MYH13: variants seen among roughly 807,000 people sequenced by gnomAD.
MYH13 encodes the protein myosin-13.
Under a neutral mutation model 232.1 loss-of-function variants are expected in MYH13, and 177 were observed. The ratio of observed to expected loss-of-function variants is 0.76; its 90% confidence interval spans 0.67 to 0.86. MYH13 has a LOEUF of 0.86. Ranked by LOEUF, MYH13 falls within the 40% of genes least tolerant of loss-of-function variation. The pLI is 0.00. For missense variants in MYH13, 2,246 were observed against 2,405.9 expected (o/e 0.93, Z 1.39); for synonymous variants, 884 against 923.5 (o/e 0.96, Z 0.78).
intron 8 of MYH13, among the ~76,000 whole-genome samples, chr17:10,356,995 C>G (rs1474667261): frequency 6.6e-6 from 1 of 152,184 alleles, no homozygotes; most frequent in Non-Finnish European, 1.5e-5. Flanking sequence ...GAGTTGCCCT[C>G]TGTTGCCCAG....
intron 5 of MYH13, among the ~76,000 whole-genome samples, chr17:10,360,940 T>C (rs568640369): frequency 6.6e-6 from 1 of 152,136 alleles, no homozygotes; most frequent in Non-Finnish European, 1.5e-5. Flanking sequence ...TAGCAAACCA[T>C]AGAAGCTAGG....
intron 10 of MYH13, 25 bp from the exon 11 acceptor site, chr17:10,354,808 A>G (rs1745181409): frequency 1.9e-6 from 3 of 1,606,692 alleles, no homozygotes; most frequent in South Asian, 1.1e-5. Flanking sequence ...TATCCCTTTA[A>G]TGGCTTATGC....
At chr17:10,311,714 T>C (rs1597884711) in intron 32 of MYH13, among the ~76,000 whole-genome samples, 197 bp downstream of exon 32, 1 of 152,096 alleles carries the variant, frequency 6.6e-6, no homozygotes, top group East Asian at 1.9e-4. Flanking sequence ...TTCTCAAAAA[T>C]GAGACTTAGC....
chr17:10,367,955 C>T (rs769961870), intron 2 of MYH13, among the ~76,000 whole-genome samples: 7 of 152,130 alleles, frequency 4.6e-5, no homozygotes, highest in East Asian at 1.9e-4. Flanking sequence ...AGTTGCAATG[C>T]GGAATCTGAA....
At chr17:10,336,742 A>C (rs912657654) in intron 18 of MYH13, among the ~76,000 whole-genome samples, 2 of 152,076 alleles carry the variant, frequency 1.3e-5, no homozygotes, top group Admixed American at 6.6e-5. Context: ...GAAACCATTC[A>C]AACTTGGCAA....
chr17:10,349,077 T>C (rs2071689829), intron 12 of MYH13, among the ~76,000 whole-genome samples: 1 of 136,900 alleles, frequency 7.3e-6, no homozygotes, highest in Non-Finnish European at 1.5e-5. Flanking sequence ...TCCCTTCCCT[T>C]CTCCCCCTCT....
chr17:10,343,816 A>G lies in MYH13; in HGVS notation c.1878T>C (p.Tyr626=). 1 of 1,605,064 alleles carries G rather than the reference A, an allele frequency of 6.2e-7. No individual in the cohort carries two copies. Among genetic ancestry groups the G allele is most frequent in the Non-Finnish European group, 8.5e-7 (1 of 1,174,250 alleles). ...LKLLSFLFSN[Y]AGAETGDSGG... is the part of the protein sequence containing the mutation. Reference sequence around the variant, plus strand: ...GAATTTTACCTGTCTCTGCACCAGCATAGTTGGAAAAAAGGAAGGAGAGAA... The same window carrying G: ...GAATTTTACCTGTCTCTGCACCAGCGTAGTTGGAAAAAAGGAAGGAGAGAA... The change falls in exon 16 of 41, where the codon TAT becomes TAC. Residue 626 remains tyrosine (Y), a synonymous_variant. Transcript: ENST00000252172.
intron 15 of MYH13, 93 bp downstream of exon 15, chr17:10,345,109 A>C: frequency 6.3e-7 from 1 of 1,594,732 alleles, no homozygotes; most frequent in Admixed American, 1.7e-5. Flanking sequence ...CCTGGGGGCT[A>C]GGGGCCCCAA....
chr17:10,330,562 A>G, intron 20 of MYH13, 39 bp from the exon 21 acceptor site: 1 of 1,574,108 alleles, frequency 6.4e-7, no homozygotes, highest in Non-Finnish European at 8.6e-7. Context: ...CTTTTTCCCC[A>G]GCAGGCGTTC....
In MYH13 at chr17:10,320,463, G is replaced by A. The variant is rs1018514457; in HGVS notation, c.3145C>T (p.Arg1049Trp). ...CTCTTCGCCCTTTCCAAGTCCGCCC[G>A]CAGTTTCTTCTCCTGCTCTAAGGAA... ...EGSLEQEKKL[R>W]ADLERAKRKL... Residue 1049 changes from arginine (R) to tryptophan (W), a missense_variant, in exon 25 of 41, where the codon CGG (arginine) becomes TGG (tryptophan). Arg to Trp is a moderately radical substitution (Grantham distance 101). Coordinates refer to ENST00000252172, the MANE Select transcript of MYH13 (RefSeq NM_003802.3). 44 of 1,613,078 alleles carry A rather than the reference G, an allele frequency of 2.7e-5. No individual in the cohort carries two copies. Among genetic ancestry groups the A allele is most frequent in the Non-Finnish European group, 3.4e-5 (40 of 1,179,622 alleles).
Position 10,362,264 on chromosome 17 carries a change from C to T in MYH13, c.359G>A (p.Gly120Asp), listed in dbSNP as rs756858193. The T allele has an allele frequency of 1.2e-6, 2 of 1,613,700 alleles. No individual in the cohort carries two copies. The highest frequency in any genetic ancestry group is 1.7e-4 in the Middle Eastern group (1 of 6,058). The change falls in exon 5 of 41, where the codon GGC (glycine) becomes GAC (aspartate). Residue 120 changes from glycine (G) to aspartate (D), a missense_variant. Coordinates refer to ENST00000252172, the MANE Select transcript of MYH13 (RefSeq NM_003802.3). Reference protein sequence around the residue: ...YAAWMIYTYSGLFCVTVNPYK... With the variant: ...YAAWMIYTYSDLFCVTVNPYK... ...GGGGTTGACGGTGACACAGAAGAGG[C>T]CTGAGTAGGTCTGGGAAGATCAGAA...
At chr17:10,328,218 G>A (rs1834408378) in intron 21 of MYH13, 97 bp from the exon 22 acceptor site, 10 of 1,431,956 alleles carry the variant, frequency 7.0e-6, no homozygotes, top group South Asian at 6.5e-5. Context: ...CGTCTTTCTC[G>A]GTTAGGTGGG....
chr17:10,347,864 C>G (rs1485829928), intron 12 of MYH13, among the ~76,000 whole-genome samples: 1 of 151,842 alleles, frequency 6.6e-6, no homozygotes, highest in African/African-American at 2.4e-5. Context: ...ATTACAGGCA[C>G]CCACCACCAG....
intron 8 of MYH13, 24 bp downstream of exon 8, chr17:10,357,711 C>T (rs1288453261): frequency 1.2e-6 from 2 of 1,607,412 alleles, no homozygotes; most frequent in East Asian, 2.2e-5. Context: ...TGGGAGGATA[C>T]TTGAAAATTG....
chr17:10,329,344 C>T (rs1486376864), intron 21 of MYH13, among the ~76,000 whole-genome samples: 2 of 152,216 alleles, frequency 1.3e-5, no homozygotes, highest in African/African-American at 4.8e-5. Context: ...AGGAAAAAGA[C>T]TTAAACATTC....
At chr17:10,359,845 A>G (rs28452817) in intron 7 of MYH13, 115 bp downstream of exon 7, 11,400 of 892,032 alleles carry the variant, frequency 0.013, 373 homozygotes, top group East Asian at 0.1. Flanking sequence ...GAAAGAAAGA[A>G]TTTTTCCTAT....
At chr17:10,351,115 G>A (rs1490582530) in intron 11 of MYH13, among the ~76,000 whole-genome samples, 3 of 150,982 alleles carry the variant, frequency 2.0e-5, no homozygotes, top group Non-Finnish European at 4.4e-5. Context: ...CAGCTACTCA[G>A]GATGCTGAGG....
rs752021443 is a variant in MYH13 at position 10,309,531 on chromosome 17, G to T, written c.4956C>A (p.Gly1652=). The T allele has an allele frequency of 1.2e-6, 2 of 1,609,122 alleles. No individual in the cohort carries two copies. The highest frequency in any genetic ancestry group is 2.2e-5 in the South Asian group (2 of 90,282). The part of the protein sequence containing the change: ...ETQKHLRTVQ[G]QLKDSQLHLD... ...CGGCCACCGTGCTCACCTTGAGCTG[G>T]CCCTGGACCGTGCGCAGATGCTTCT... is the stretch of plus-strand genomic sequence containing the variant. Residue 1652 remains glycine (G), a synonymous_variant, in exon 34 of 41, where the codon GGC becomes GGA. Coordinates refer to ENST00000252172, the MANE Select transcript of MYH13 (RefSeq NM_003802.3).
At chr17:10,364,601 G>C in intron 2 of MYH13, 59 bp from the exon 3 acceptor site, 2 of 1,418,334 alleles carry the variant, frequency 1.4e-6, no homozygotes, top group Non-Finnish European at 1.9e-6. Flanking sequence ...AAGCTGCAGG[G>C]CCCCTACCCT....
Sources: allele counts gnomAD v4.1 joint callset (sites outside exome capture counted in the v4.1 genomes callset), GRCh38; gene constraint gnomAD v4.1.1; transcripts MANE v1.5; gene names NCBI Gene and HGNC (gene_info 2026-07-23, HGNC 2026-07-21).